The following RETREG1 variants were observed in gnomAD, a reference collection of about 807,000 sequenced individuals.
RETREG1 encodes reticulophagy regulator 1.
A neutral mutation model predicts 54.8 loss-of-function variants in RETREG1; 44 were observed. The observed-to-expected ratio is 0.80, with a 90% CI of 0.63 to 1.03. RETREG1 has a LOEUF of 1.03. Among genes scored for constraint, RETREG1 ranks in the 50% least tolerant of loss-of-function variants. The pLI is 0.00. For missense variants in RETREG1, 554 were observed against 605.1 expected (o/e 0.92, Z 0.89); for synonymous variants, 217 against 238.5 (o/e 0.91, Z 0.83).
At chr5:16,543,870 T>C (rs536665083) in intron 3 of RETREG1, among the ~76,000 whole-genome samples, 2 of 152,156 alleles carry the variant, frequency 1.3e-5, no homozygotes, top group Non-Finnish European at 2.9e-5. Context: ...TTCGCCACTT[T>C]ACTGACTAAT....
intron 1 of RETREG1, among the ~76,000 whole-genome samples, chr5:16,601,805 CA>C (rs1429747947): frequency 1.3e-5 from 2 of 152,262 alleles, no homozygotes; most frequent in Non-Finnish European, 2.9e-5. Context: ...AAAATATCAA[CA>C]GAGGTCTATC....
intron 3 of RETREG1, among the ~76,000 whole-genome samples, chr5:16,513,391 T>G (rs1271120356): frequency 2.6e-5 from 4 of 152,220 alleles, no homozygotes; most frequent in African/African-American, 4.8e-5. Flanking sequence ...AATGGACACA[T>G]GTCTTTAGAG....
intron 3 of RETREG1, among the ~76,000 whole-genome samples, chr5:16,498,200 T>C (rs1561089529): frequency 1.3e-5 from 2 of 152,036 alleles, no homozygotes; most frequent in South Asian, 2.1e-4. Flanking sequence ...ATCATTAGGC[T>C]ATTCTGTCAT....
rs1042556686 is a variant in RETREG1, at chr5:16,561,110, G to C, written c.458+4653C>G. ...GGCCGAAAGAGAAGTGAAGTTGGCAGGACCACGAGCTGCAGGGTTGGGACC... is the reference window on the plus strand; with the variant it reads ...GGCCGAAAGAGAAGTGAAGTTGGCACGACCACGAGCTGCAGGGTTGGGACC... On this transcript the variant is annotated intron_variant, in intron 3 of 8. Coordinates refer to ENST00000306320, the MANE Select transcript of RETREG1 (RefSeq NM_001034850.3). This position sits in a 1 kb window ranked among gnomAD's most constrained non-coding sequence, Gnocchi z 4.2. 2.3e-4 allele frequency among the ~76,000 whole-genome samples: 35 copies of C among 152,164 alleles called. No homozygotes were observed. The highest frequency in any genetic ancestry group is 2.2e-3 in the Admixed American group (34 of 15,280).
At chr5:16,497,383 T>C (rs1739504541) in intron 3 of RETREG1, among the ~76,000 whole-genome samples, 1 of 152,212 alleles carries the variant, frequency 6.6e-6, no homozygotes, top group South Asian at 2.1e-4. Flanking sequence ...GCACACAATT[T>C]CTTGTCACAC....
chr5:16,586,629 C>G (rs1428862799), intron 1 of RETREG1, among the ~76,000 whole-genome samples: 1 of 152,150 alleles, frequency 6.6e-6, no homozygotes, highest in African/African-American at 2.4e-5. Flanking sequence ...CAGGGCCTTT[C>G]CCATTCAAAT....
chr5:16,555,919 TTTA>T (rs1741691500), intron 3 of RETREG1, among the ~76,000 whole-genome samples: 1 of 152,170 alleles, frequency 6.6e-6, no homozygotes, highest in Non-Finnish European at 1.5e-5. Context: ...ATAATTTAAA[TTTA>T]TTGACGCAAG....
chr5:16,576,874 C>T (rs1742336440), intron 1 of RETREG1, among the ~76,000 whole-genome samples: 1 of 152,156 alleles, frequency 6.6e-6, no homozygotes, highest in African/African-American at 2.4e-5. Context: ...CTCCACCTCC[C>T]AAAGTCCTGG....
intron 3 of RETREG1, among the ~76,000 whole-genome samples, chr5:16,520,607 C>T (rs759734545): frequency 3.9e-5 from 6 of 152,168 alleles, no homozygotes; most frequent in Non-Finnish European, 8.8e-5. Flanking sequence ...GGATTACAGG[C>T]GTTAGCCACC....
intron 3 of RETREG1, among the ~76,000 whole-genome samples, chr5:16,484,405 A>C (rs1325794091): frequency 6.6e-6 from 1 of 152,158 alleles, no homozygotes; most frequent in Non-Finnish European, 1.5e-5. Context: ...TTATTGAGAG[A>C]TATGTGTCTA....
intron 1 of RETREG1, among the ~76,000 whole-genome samples, chr5:16,613,349 A>G (rs1349211099): frequency 6.6e-6 from 1 of 152,144 alleles, no homozygotes; most frequent in Admixed American, 6.5e-5. Flanking sequence ...GATCTCCCAA[A>G]TCATTCTTAT....
intron 3 of RETREG1, among the ~76,000 whole-genome samples, chr5:16,512,315 C>G (rs1227194848): frequency 6.6e-6 from 1 of 152,184 alleles, no homozygotes; most frequent in Non-Finnish European, 1.5e-5. Context: ...GTCACTATGC[C>G]TTGGCTGGGT....
chr5:16,478,503 A>G (rs997730967), intron 6 of RETREG1, among the ~76,000 whole-genome samples: 3 of 152,160 alleles, frequency 2.0e-5, no homozygotes, highest in African/African-American at 7.2e-5. Flanking sequence ...CAAGTTAAAA[A>G]GTAAGAGATG....
rs2040538982 is a variant in RETREG1, at chr5:16,573,846, G to A, written c.321-1744C>T. Among the ~76,000 whole-genome samples the A allele has an allele frequency of 2.7e-5, 4 of 146,098 alleles. No homozygotes were observed. In the South Asian group the frequency reaches 8.9e-4, roughly 32 times the overall value. ...TGCAACCTTCTCCTCTCAGGTTCAA[G>A]CAATTCTCCTGCCTCAGCCGCCCAA... is the stretch of plus-strand genomic sequence containing the variant. On this transcript the variant is annotated intron_variant, in intron 1 of 8. Coordinates refer to ENST00000306320, the MANE Select transcript of RETREG1 (RefSeq NM_001034850.3).
At chr5:16,499,802 T>C (rs2126547806) in intron 3 of RETREG1, among the ~76,000 whole-genome samples, 1 of 152,368 alleles carries the variant, frequency 6.6e-6, no homozygotes, top group South Asian at 2.1e-4. Context: ...ACTGCTACTG[T>C]GAGAGAACAT....
At chr5:16,565,552 T>C (rs1024489893) in intron 3 of RETREG1, among the ~76,000 whole-genome samples, 11 of 152,144 alleles carry the variant, frequency 7.2e-5, no homozygotes, top group Non-Finnish European at 1.3e-4. Flanking sequence ...CCCAGTATCA[T>C]AGCAAGATAC....
At position 16,562,963 on chromosome 5, in the gene RETREG1, T is replaced by C. The variant is rs76802009; in HGVS notation, c.458+2800A>G. On this transcript the variant is annotated intron_variant, in intron 3 of 8. Coordinates refer to ENST00000306320, the MANE Select transcript of RETREG1 (RefSeq NM_001034850.3). ...TGCTTCATTGATTGTACCACACCAA[T>C]GTAGGATGCTATTAATGGGGGGATG... is the stretch of plus-strand genomic sequence containing the variant. Among the ~76,000 whole-genome samples the C allele has an allele frequency of 4.8e-3, 731 of 151,062 alleles. 8 individuals are homozygous for C. The highest frequency in any genetic ancestry group is 0.017 in the African/African-American group (680 of 41,078).
At chr5:16,484,399 T>C (rs1315891417) in intron 3 of RETREG1, among the ~76,000 whole-genome samples, 1 of 152,180 alleles carries the variant, frequency 6.6e-6, no homozygotes, top group Non-Finnish European at 1.5e-5. Context: ...AAGAGATTAT[T>C]GAGAGATATG....
chr5:16,605,375 G>A (rs1184185499), intron 1 of RETREG1, among the ~76,000 whole-genome samples: 8 of 152,194 alleles, frequency 5.3e-5, no homozygotes, highest in East Asian at 1.9e-4. Context: ...AGAACTTCAC[G>A]CTGTCACATT....
Sources: gnomAD v4.1 joint callset for allele counts (sites outside exome capture counted in the v4.1 genomes callset) on GRCh38, gnomAD v4.1.1 for gene constraint, Gnocchi (gnomAD v3.1) non-coding constraint, MANE v1.5 for transcripts, NCBI Gene and HGNC (gene_info 2026-07-23, HGNC 2026-07-21) for gene names.